Variants in TP73 observed in about 807,000 individuals in gnomAD.
TP73 encodes the protein tumor protein p73.
A neutral mutation model predicts 62.5 loss-of-function variants in TP73; 25 were observed. The observed-to-expected ratio is 0.40, with a 90% CI of 0.29 to 0.56. TP73 has a LOEUF of 0.56. TP73 is among the 20% of genes least tolerant of loss of function. The pLI, the probability that TP73 is intolerant of heterozygous loss-of-function variation, is 0.46. For missense variants in TP73, 754 were observed against 913.3 expected (o/e 0.83, Z 2.25); for synonymous variants, 423 against 377.5 (o/e 1.12, Z -1.40).
In TP73 at chr1:3,732,770, C is replaced by G. The variant is rs528369233; in HGVS notation, c.1602C>G (p.Pro534=). Residue 534 remains proline (P), a synonymous_variant, in exon 14 of 14, where the codon CCC becomes CCG. Transcript: ENST00000378295. Reference sequence around the variant, plus strand: ...AGGACCTGGGGGCCCTGAAGATCCCCGAGCAGTACCGCATGACCATCTGGC... The same window carrying G: ...AGGACCTGGGGGCCCTGAAGATCCCGGAGCAGTACCGCATGACCATCTGGC... ...TIEDLGALKI[P]EQYRMTIWRG... 1.7e-5 allele frequency: 27 copies of G among 1,585,460 alleles called. No individual in the cohort carries two copies. Among genetic ancestry groups the G allele is most frequent in the South Asian group, 1.4e-4 (12 of 88,142 alleles).
intron 3 of TP73, among the ~76,000 whole-genome samples, chr1:3,687,475 C>T (rs1313684664): frequency 6.6e-6 from 1 of 152,206 alleles, no homozygotes; most frequent in Non-Finnish European, 1.5e-5. Context: ...CACCCGGACC[C>T]ACCCGAGGAG....
intron 3 of TP73, among the ~76,000 whole-genome samples, chr1:3,684,732 G>C (rs2102101297): frequency 6.6e-6 from 1 of 152,256 alleles, no homozygotes; most frequent in South Asian, 2.1e-4. Context: ...GCCTGTATCT[G>C]AGGGTTCGAC....
At chr1:3,654,744 G>A (rs1043215680) in intron 1 of TP73, among the ~76,000 whole-genome samples, 1 of 152,234 alleles carries the variant, frequency 6.6e-6, no homozygotes, top group Non-Finnish European at 1.5e-5. Flanking sequence ...AGGGCAGGAG[G>A]GATGGCAGTG....
chr1:3,694,813 A>G (rs1322799727), intron 3 of TP73, among the ~76,000 whole-genome samples: 7 of 85,864 alleles, frequency 8.2e-5, no homozygotes, highest in African/African-American at 3.9e-4. Flanking sequence ...CCTTCCTCCC[A>G]CAATCCCACC....
intron 3 of TP73, among the ~76,000 whole-genome samples, chr1:3,687,381 G>T (rs569225136): frequency 5.9e-5 from 9 of 152,322 alleles, no homozygotes; most frequent in African/African-American, 2.2e-4. Context: ...TCTGGGAAGA[G>T]CTGCAGAGGA....
chr1:3,664,767 C>A (rs961739003), intron 1 of TP73, among the ~76,000 whole-genome samples: 2 of 152,134 alleles, frequency 1.3e-5, no homozygotes, highest in Admixed American at 6.5e-5. Flanking sequence ...GGCTGGGCCT[C>A]AGAGAGGGGT....
In TP73 at chr1:3,672,630, C is replaced by A. The variant is rs774267795; in HGVS notation, c.-33-9703C>A. 1.8e-4 allele frequency among the ~76,000 whole-genome samples: 28 copies of A among 151,614 alleles called. No individual in the cohort carries two copies. The highest frequency in any genetic ancestry group is 6.8e-3 in the Middle Eastern group (2 of 294). ...ATCCTTGGCAGTCGGTCCTCTGGGT[C>A]TTCTTCCTGTGCCCACTGTGCTGGT... On this transcript the variant is annotated intron_variant, in intron 1 of 13. Coordinates refer to ENST00000378295, the MANE Select transcript of TP73 (RefSeq NM_005427.4). The surrounding 1 kb of genome is among the most constrained non-coding windows in gnomAD (Gnocchi z 5.3).
Position 3,670,934 on chromosome 1 carries a change from G to C in TP73, c.-33-11399G>C, listed in dbSNP as rs1200144592. Among the ~76,000 whole-genome samples the C allele has an allele frequency of 6.6e-6, 1 of 152,240 alleles. No individual in the cohort carries two copies. The highest frequency in any genetic ancestry group is 1.5e-5 in the Non-Finnish European group (1 of 68,040). On this transcript the variant is annotated intron_variant, in intron 1 of 13. Coordinates refer to ENST00000378295, the MANE Select transcript of TP73 (RefSeq NM_005427.4). This position sits in a 1 kb window ranked among gnomAD's most constrained non-coding sequence, Gnocchi z 5.9. ...GGCTTGGTGGTCTGGCCCGCAAAGA[G>C]TCAGCATGTGAATGTCTCTCCATGC...
At chr1:3,697,999 C>A in intron 3 of TP73, 1 of 838,876 alleles carries the variant, frequency 1.2e-6, no homozygotes, top group African/African-American at 1.8e-5. Context: ...CTGCACGTGT[C>A]ATAATTCAAG....
Position 3,666,565 on chromosome 1 carries a change from G to A in TP73, c.-34+13924G>A, listed in dbSNP as rs1645118259. 6.6e-6 allele frequency among the ~76,000 whole-genome samples: 1 copy of A among 152,114 alleles called. No individual in the cohort carries two copies. Among genetic ancestry groups the A allele is most frequent in the Admixed American group, 6.5e-5 (1 of 15,274 alleles). ...TCTGACAGTGAAGGTGGGTGCGTGG[G>A]CGGGGGGCTTTTAATGGTCCCTCTG... On this transcript the variant is annotated intron_variant, in intron 1 of 13. Coordinates refer to ENST00000378295, the MANE Select transcript of TP73 (RefSeq NM_005427.4). This position sits in a 1 kb window ranked among gnomAD's most constrained non-coding sequence, Gnocchi z 6.4.
At chr1:3,731,705 G>C in intron 13 of TP73, 149 bp downstream of exon 13, 1 of 737,094 alleles carries the variant, frequency 1.4e-6, no homozygotes. Context: ...TTTGACTCTT[G>C]AGAGCTTAGG....
At chr1:3,727,407 TCCGGAGGG>T (rs979542395) in intron 7 of TP73, 183 bp downstream of exon 7, 11 of 922,582 alleles carry the variant, frequency 1.2e-5, no homozygotes, top group Non-Finnish European at 1.8e-5. Flanking sequence ...AAGCTGGGCC[TCCGGAGGG>T]AGGTGGGAGT....
chr1:3,673,464 G>C (rs1645290578), intron 1 of TP73, among the ~76,000 whole-genome samples: 1 of 152,236 alleles, frequency 6.6e-6, no homozygotes, highest in Non-Finnish European at 1.5e-5. Flanking sequence ...TTTCGCTTTT[G>C]ATATGCGTAG....
intron 4 of TP73, among the ~76,000 whole-genome samples, chr1:3,716,190 C>T (rs1640580653): frequency 6.6e-6 from 1 of 152,220 alleles, no homozygotes; most frequent in Admixed American, 6.5e-5. Flanking sequence ...GAGGATGTTT[C>T]TGCCTCTGGT....
At chr1:3,674,205 C>G (rs1378388410) in intron 1 of TP73, among the ~76,000 whole-genome samples, 1 of 152,184 alleles carries the variant, frequency 6.6e-6, no homozygotes, top group Non-Finnish European at 1.5e-5. Flanking sequence ...TTGGTTTGGT[C>G]ATGGCCTCAA....
rs1298404511 is a variant in TP73 at position 3,718,966 on chromosome 1, C to G, written c.430-3055C>G. ...CAGGCCACTGTGTTCCCAGGGGACA[C>G]GCAGTGAGTCAGAGATGCAGGTGGA... is the stretch of plus-strand genomic sequence containing the variant. On this transcript the variant is annotated intron_variant, in intron 4 of 13. Transcript: ENST00000378295. Among the ~76,000 whole-genome samples, 4 of 152,142 alleles carry G rather than the reference C, an allele frequency of 2.6e-5. No individual in the cohort carries two copies. The South Asian group carries it at 8.3e-4, about 31-fold the overall frequency.
intron 4 of TP73, among the ~76,000 whole-genome samples, chr1:3,712,898 C>T (rs948395950): frequency 9.2e-5 from 14 of 152,018 alleles, no homozygotes; most frequent in Non-Finnish European, 1.2e-4. Context: ...ACCCCGGCCC[C>T]TACAGGTCCC....
chr1:3,730,216 G>T, intron 11 of TP73, 68 bp downstream of exon 11: 1 of 1,420,112 alleles, frequency 7.0e-7, no homozygotes, highest in Middle Eastern at 2.4e-4. Flanking sequence ...CCTAGCTCAG[G>T]ACACACCACC....
chr1:3,706,709 G>A (rs1392474383), intron 3 of TP73, among the ~76,000 whole-genome samples: 2 of 152,076 alleles, frequency 1.3e-5, no homozygotes, highest in African/African-American at 4.8e-5. Context: ...CCCTCAGCTG[G>A]GGCCTCCCTT....
Sources: gnomAD v4.1 joint callset for allele counts (sites outside exome capture counted in the v4.1 genomes callset) on GRCh38, gnomAD v4.1.1 for gene constraint, Gnocchi (gnomAD v3.1) non-coding constraint, MANE v1.5 for transcripts, NCBI Gene and HGNC (gene_info 2026-07-23, HGNC 2026-07-21) for gene names.